AP4S1: variants seen among roughly 807,000 people sequenced by gnomAD.
AP4S1 encodes the protein adaptor related protein complex 4 subunit sigma 1.
In AP4S1, 23 loss-of-function variants were observed where a neutral mutation model predicts 19.8. The observed-to-expected ratio is 1.16, with a 90% CI of 0.84 to 1.65. The LOEUF (loss-of-function observed/expected upper bound fraction) is 1.65. Among genes scored for constraint, AP4S1 ranks in the 40% most tolerant of loss-of-function variants. AP4S1 has a pLI of 0.00. For missense variants in AP4S1, 166 were observed against 172.8 expected (o/e 0.96, Z 0.22); for synonymous variants, 46 against 54.1 (o/e 0.85, Z 0.66).
At chr14:31,058,037 T>C (rs942304666) in intron 1 of AP4S1, among the ~76,000 whole-genome samples, 1 of 151,568 alleles carries the variant, frequency 6.6e-6, no homozygotes, top group African/African-American at 2.4e-5. Flanking sequence ...TCAGCCTTAC[T>C]CTCCCAAGTA....
chr14:31,076,044 C>T (rs915438304), intron 4 of AP4S1, among the ~76,000 whole-genome samples: 11 of 152,116 alleles, frequency 7.2e-5, no homozygotes, highest in Admixed American at 3.9e-4. Context: ...CCGGATATAC[C>T]AAATTTTTTT....
Position 31,095,238 on chromosome 14 carries a change from A to G in AP4S1, c.*2203A>G, listed in dbSNP as rs1888171679. 6.6e-6 allele frequency: 1 copy of G among 152,220 alleles called. No individual in the cohort carries two copies. The highest frequency in any genetic ancestry group is 6.5e-5 in the Admixed American group (1 of 15,278). 9.4% of individuals were successfully genotyped at this position (152,220 alleles called of 1,614,324 possible). ...AAAAAAACTTTTATAACATGTACCT[A>G]ACAAAGATGCAGAGTTAAATTTTAT... On this transcript the variant is annotated 3_prime_UTR_variant, in exon 6 of 6. Coordinates refer to ENST00000542754, the MANE Select transcript of AP4S1 (RefSeq NM_001128126.3).
chr14:31,025,652 A>C lies in AP4S1; in HGVS notation c.-207A>C. The C allele has an allele frequency of 1.8e-6, 1 of 563,194 alleles. No individual in the cohort carries two copies. The highest frequency in any genetic ancestry group is 3.0e-6 in the Non-Finnish European group (1 of 329,448). The allele number at this position is 563,194 out of a possible 1,614,324, so 34.9% of individuals were successfully genotyped here. ...GAGGAGCCCCCGCAGACGCCATACT[A>C]AAAGCCAAAATGGCTGCCCCGAGGA... On this transcript the variant is annotated 5_prime_UTR_variant, in exon 1 of 6. Transcript: ENST00000542754.
chr14:31,026,773 C>T (rs74042114), intron 1 of AP4S1: 1 of 152,322 alleles, frequency 6.6e-6, no homozygotes, highest in Non-Finnish European at 1.5e-5. Flanking sequence ...GTCTCTCACC[C>T]GTGTCCCGGC....
At position 31,055,826 on chromosome 14, in the gene AP4S1, T is replaced by C. The variant is rs183666234; in HGVS notation, c.-71-10300T>C. Among the ~76,000 whole-genome samples, 190 of 151,868 alleles carry C rather than the reference T, an allele frequency of 1.3e-3. 2 individuals carry two copies. The highest frequency in any genetic ancestry group is 2.5e-4 in the Non-Finnish European group (17 of 67,884). ...TGTCATCAACTATCATTTTCTTTTTTTTTTTCTTTTTTCTTTTTTCTTTTT... is the reference window on the plus strand; with the variant it reads ...TGTCATCAACTATCATTTTCTTTTTCTTTTTCTTTTTTCTTTTTTCTTTTT... On this transcript the variant is annotated intron_variant, in intron 1 of 5. Transcript: ENST00000542754.
chr14:31,074,364 T>G (rs142143742), intron 4 of AP4S1, among the ~76,000 whole-genome samples: 170 of 73,334 alleles, frequency 2.3e-3, no homozygotes, highest in Middle Eastern at 0.027. Flanking sequence ...AATAAATAAA[T>G]AAAGTAAGCT....
intron 1 of AP4S1, among the ~76,000 whole-genome samples, chr14:31,039,225 G>A (rs7150310): frequency 0.053 from 8,092 of 151,726 alleles, 278 homozygotes; most frequent in African/African-American, 0.089. Flanking sequence ...TCGCTCTGTC[G>A]CCTAGGCTGG....
intron 2 of AP4S1, among the ~76,000 whole-genome samples, chr14:31,069,608 G>A (rs1027376522): frequency 6.6e-6 from 1 of 152,176 alleles, no homozygotes; most frequent in African/African-American, 2.4e-5. Context: ...GAGTGTAAGT[G>A]GGAACCCATG....
At chr14:31,027,229 G>A (rs951848595) in intron 1 of AP4S1, 1 of 152,120 alleles carries the variant, frequency 6.6e-6, no homozygotes, top group African/African-American at 2.4e-5. Context: ...AGACTGGCTA[G>A]ACTAACAATT....
intron 5 of AP4S1, 82 bp downstream of exon 5, chr14:31,080,666 AACT>A: frequency 6.3e-7 from 1 of 1,593,300 alleles, no homozygotes; most frequent in South Asian, 1.1e-5. Flanking sequence ...AAGGCAGGAA[AACT>A]ATTCAGCAGA....
At chr14:31,056,081 G>A (rs565661627) in intron 1 of AP4S1, among the ~76,000 whole-genome samples, 1 of 152,242 alleles carries the variant, frequency 6.6e-6, no homozygotes, top group African/African-American at 2.4e-5. Context: ...CTGACCTCAA[G>A]TGATCTGCCC....
chr14:31,051,653 C>T (rs553297149), intron 1 of AP4S1, among the ~76,000 whole-genome samples: 4 of 152,164 alleles, frequency 2.6e-5, no homozygotes, highest in African/African-American at 9.6e-5. Context: ...ACAGAGTTTG[C>T]GTATTCAATT....
chr14:31,057,338 C>T (rs1819795145), intron 1 of AP4S1, among the ~76,000 whole-genome samples: 1 of 152,208 alleles, frequency 6.6e-6, no homozygotes, highest in African/African-American at 2.4e-5. Flanking sequence ...AACCTGGAAG[C>T]AGCTCCAGAA....
At chr14:31,066,882 A>T (rs1886745563) in intron 2 of AP4S1, among the ~76,000 whole-genome samples, 1 of 152,214 alleles carries the variant, frequency 6.6e-6, no homozygotes, top group African/African-American at 2.4e-5. Context: ...TTGATTATCT[A>T]GGTGGGGAAA....
chr14:31,028,871 G>A (rs752411002), intron 1 of AP4S1, among the ~76,000 whole-genome samples: 5 of 152,282 alleles, frequency 3.3e-5, no homozygotes, highest in Admixed American at 1.3e-4. Context: ...GAAAGAGAGA[G>A]TGAGATTCCA....
intron 1 of AP4S1, among the ~76,000 whole-genome samples, chr14:31,031,502 A>T (rs1249543239): frequency 2.6e-5 from 4 of 152,206 alleles, no homozygotes; most frequent in African/African-American, 7.2e-5. Context: ...GTTAGTTGTT[A>T]CTGTCATTAT....
At chr14:31,084,902 A>G in intron 5 of AP4S1, 1 of 1,614,132 alleles carries the variant, frequency 6.2e-7, no homozygotes, top group Non-Finnish European at 8.5e-7. Context: ...GGAGGGCACC[A>G]ATGAACAGCA....
intron 4 of AP4S1, among the ~76,000 whole-genome samples, chr14:31,076,026 A>G (rs1327595449): frequency 2.0e-5 from 3 of 152,164 alleles, no homozygotes. Context: ...GTGAGCCGTC[A>G]CGCCTGGCCG....
chr14:31,082,895 C>CAAA (rs769994048), intron 5 of AP4S1, among the ~76,000 whole-genome samples: 49 of 96,288 alleles, frequency 5.1e-4, no homozygotes, highest in Non-Finnish European at 7.2e-4. Flanking sequence ...GACTCCGTCT[C>CAAA]AAAAAAAAAA....
Sources: gnomAD v4.1 joint callset for allele counts (sites outside exome capture counted in the v4.1 genomes callset) on GRCh38, gnomAD v4.1.1 for gene constraint, MANE v1.5 for transcripts, NCBI Gene and HGNC (gene_info 2026-07-23, HGNC 2026-07-21) for gene names.